HSD17B12: variants seen among roughly 807,000 people sequenced by gnomAD.
HSD17B12 encodes the protein hydroxysteroid 17-beta dehydrogenase 12.
In HSD17B12, 32 loss-of-function variants were observed where a neutral mutation model predicts 39.3. The observed-to-expected ratio is 0.81, with a 90% CI of 0.61 to 1.09. The LOEUF (loss-of-function observed/expected upper bound fraction) is 1.09, where lower values mean the gene tolerates loss of function less well. Ranked by LOEUF, HSD17B12 falls within the 50% of genes least tolerant of loss-of-function variation. The pLI, the probability that HSD17B12 is intolerant of heterozygous loss-of-function variation, is 0.00. For synonymous variants in HSD17B12, 150 were observed against 146.7 expected, an observed-to-expected ratio of 1.02 and a Z score of -0.16; for missense variants, 342 against 382.9, an observed-to-expected ratio of 0.89 and a Z score of 0.89.
intron 7 of HSD17B12, among the ~76,000 whole-genome samples, chr11:43,835,281 C>T (rs2135121219): frequency 6.6e-6 from 1 of 152,216 alleles, no homozygotes; most frequent in African/African-American, 2.4e-5. Flanking sequence ...GGTTTGACGT[C>T]ACTAATTCTG....
At chr11:43,659,394 A>G in the HSD17B12 span, among the ~76,000 whole-genome samples, 2 of 152,108 alleles carry the variant, frequency 1.3e-5, no homozygotes, top group African/African-American at 4.8e-5. Flanking sequence ...CATTGCACCT[A>G]CTGTCCTGCA....
intron 8 of HSD17B12, 27 bp downstream of exon 8, chr11:43,838,425 C>G (rs1951392065): frequency 3.3e-6 from 5 of 1,503,026 alleles, no homozygotes; most frequent in Non-Finnish European, 4.6e-6. Flanking sequence ...TAAATCATGT[C>G]AATATAGTAA....
At chr11:43,680,350 G>T (rs1949728642), upstream of HSD17B12, among the ~76,000 whole-genome samples, 1 of 152,278 alleles carries the variant, frequency 6.6e-6, no homozygotes, top group South Asian at 2.1e-4. Flanking sequence ...GGGATTACAG[G>T]TGTTAGCCAC....
intron 3 of HSD17B12, among the ~76,000 whole-genome samples, chr11:43,763,126 A>G (rs1209868624): frequency 6.6e-6 from 1 of 152,176 alleles, no homozygotes; most frequent in Non-Finnish European, 1.5e-5. Flanking sequence ...GGTGTAAAGT[A>G]TATCTTAACA....
chr11:43,704,371 C>A (rs2134817700), intron 1 of HSD17B12, among the ~76,000 whole-genome samples: 1 of 152,278 alleles, frequency 6.6e-6, no homozygotes, highest in East Asian at 1.9e-4. Context: ...TGACTGCTGA[C>A]TAAATACTGA....
the HSD17B12 span, among the ~76,000 whole-genome samples, chr11:43,668,434 G>A: frequency 2.0e-4 from 31 of 152,144 alleles, no homozygotes; most frequent in East Asian, 5.6e-3. Flanking sequence ...CTGGGTAACC[G>A]CCCACCTCAA....
At chr11:43,757,652 A>AAAAAAAAC (rs1950520437) in intron 3 of HSD17B12, among the ~76,000 whole-genome samples, 1 of 142,270 alleles carries the variant, frequency 7.0e-6, no homozygotes, top group Admixed American at 6.9e-5. Flanking sequence ...AAAAAAAAAA[A>AAAAAAAAC]AAAAAAAAAA....
intron 7 of HSD17B12, chr11:43,832,914 C>T (rs1005424330): frequency 6.6e-5 from 10 of 152,172 alleles, no homozygotes; most frequent in African/African-American, 2.4e-4. Flanking sequence ...CAGCTATAAT[C>T]CCAGCTACTC....
At chr11:43,741,288 A>C (rs2134914651) in intron 1 of HSD17B12, among the ~76,000 whole-genome samples, 1 of 152,340 alleles carries the variant, frequency 6.6e-6, no homozygotes, top group East Asian at 1.9e-4. Context: ...CAAGTAATCA[A>C]GTTTTCTATT....
intron 3 of HSD17B12, among the ~76,000 whole-genome samples, chr11:43,754,678 A>G (rs1950494205): frequency 6.6e-6 from 1 of 152,214 alleles, no homozygotes; most frequent in Non-Finnish European, 1.5e-5. Flanking sequence ...GTCAGTAGTC[A>G]AATTATCTGA....
chr11:43,796,914 G>A (rs1460285200), intron 3 of HSD17B12, among the ~76,000 whole-genome samples: 2 of 151,586 alleles, frequency 1.3e-5, no homozygotes, highest in African/African-American at 4.8e-5. Flanking sequence ...GATAAATTCT[G>A]TGAAATGTTA....
the HSD17B12 span, among the ~76,000 whole-genome samples, chr11:43,614,216 T>A: frequency 6.6e-6 from 1 of 152,228 alleles, no homozygotes. Context: ...ATCTTGTGGC[T>A]ATCTTTAAAA....
chr11:43,772,029 T>G (rs575082844), intron 3 of HSD17B12, among the ~76,000 whole-genome samples: 30 of 152,312 alleles, frequency 2.0e-4, no homozygotes, highest in South Asian at 2.1e-4. Flanking sequence ...ATTGCATATA[T>G]ATATATATCT....
At chr11:43,625,406 T>G in the HSD17B12 span, among the ~76,000 whole-genome samples, 2 of 151,524 alleles carry the variant, frequency 1.3e-5, no homozygotes, top group South Asian at 4.1e-4. Context: ...AAAACAATTT[T>G]TTTGTATTTT....
chr11:43,812,427 A>G (rs1320356681), intron 4 of HSD17B12, among the ~76,000 whole-genome samples: 3 of 152,182 alleles, frequency 2.0e-5, no homozygotes, highest in Admixed American at 2.0e-4. Context: ...CTGGGGTAAG[A>G]TGATATCTCA....
At chr11:43,576,278 T>C in the HSD17B12 span, among the ~76,000 whole-genome samples, 3 of 152,038 alleles carry the variant, frequency 2.0e-5, no homozygotes, top group African/African-American at 7.2e-5. Context: ...AGTCTGGTGG[T>C]GCAGGAAAAA....
chr11:43,644,476 G>C, the HSD17B12 span: 1 of 152,442 alleles, frequency 6.6e-6, no homozygotes, highest in African/African-American at 2.4e-5. Flanking sequence ...GTTCCCAGCC[G>C]GCCGGACCTT....
intron 9 of HSD17B12, among the ~76,000 whole-genome samples, chr11:43,841,299 T>TG (rs779264061): frequency 4.6e-5 from 7 of 152,240 alleles, no homozygotes; most frequent in Non-Finnish European, 1.5e-5. Flanking sequence ...TTTAGATACA[T>TG]GATTTGCAAA....
chr11:43,623,608 G>C, the HSD17B12 span, among the ~76,000 whole-genome samples: 2 of 151,838 alleles, frequency 1.3e-5, no homozygotes, highest in African/African-American at 4.8e-5. Context: ...ATTTTTAAAA[G>C]CTCCAAAACA....
Sources: allele counts gnomAD v4.1 joint callset (sites outside exome capture counted in the v4.1 genomes callset), GRCh38; gene constraint gnomAD v4.1.1; transcripts MANE v1.5; gene names NCBI Gene and HGNC (gene_info 2026-07-23, HGNC 2026-07-21).